Variants in ZBTB46 observed in about 807,000 individuals in gnomAD.
The protein encoded by ZBTB46 is zinc finger and BTB domain-containing protein 46.
In ZBTB46, 8 loss-of-function variants were observed where a neutral mutation model predicts 44.1. That is an observed-to-expected ratio of 0.18 (90% CI 0.11 to 0.33). The LOEUF (loss-of-function observed/expected upper bound fraction) is 0.33. Among genes scored for constraint, ZBTB46 ranks in the 10% least tolerant of loss-of-function variants. The pLI, the probability that ZBTB46 is intolerant of heterozygous loss-of-function variation, is 1.00. For missense variants in ZBTB46, 651 were observed against 847.7 expected (o/e 0.77, Z 2.88); for synonymous variants, 409 against 382.3 (o/e 1.07, Z -0.81).
At chr20:63,749,880 G>A (rs1016153614) in intron 4 of ZBTB46, among the ~76,000 whole-genome samples, 3 of 152,242 alleles carry the variant, frequency 2.0e-5, no homozygotes, top group African/African-American at 2.4e-5. Flanking sequence ...GGATGGCTGG[G>A]AACTCATGCA....
chr20:63,810,177 GGTTCCAAGAT>G (rs1426488194), intron 1 of ZBTB46, among the ~76,000 whole-genome samples: 1 of 152,036 alleles, frequency 6.6e-6, no homozygotes, highest in Non-Finnish European at 1.5e-5. Flanking sequence ...AAAGCTAATT[GGTTCCAAGAT>G]GTTCCAAGCA....
intron 1 of ZBTB46, among the ~76,000 whole-genome samples, chr20:63,817,349 G>A (rs1290576472): frequency 6.6e-6 from 1 of 151,994 alleles, no homozygotes; most frequent in Non-Finnish European, 1.5e-5. Flanking sequence ...AGGCTACAGT[G>A]AGCTGTGCTT....
rs117908255 is a variant in ZBTB46, at chr20:63,785,854, A to G, written c.937+3967T>C. Among the ~76,000 whole-genome samples, 467 of 152,354 alleles carry G rather than the reference A, an allele frequency of 3.1e-3. 5 individuals carry two copies. Among genetic ancestry groups the G allele is most frequent in the Non-Finnish European group, 4.4e-3 (297 of 68,028 alleles). On this transcript the variant is annotated intron_variant, in intron 2 of 4. Transcript: ENST00000245663. ...GAATAATCTAATGGAAGAGTTTCAC[A>G]GTTGCCTTGGAAACCCAAGGGATTT... is the stretch of plus-strand genomic sequence containing the variant.
chr20:63,755,214 C>T (rs2092208939), intron 3 of ZBTB46, among the ~76,000 whole-genome samples: 1 of 152,242 alleles, frequency 6.6e-6, no homozygotes. Flanking sequence ...CTTCTTAATG[C>T]TCTGTTTTCC....
chr20:63,766,788 G>C (rs987870617), intron 3 of ZBTB46, among the ~76,000 whole-genome samples: 1 of 152,222 alleles, frequency 6.6e-6, no homozygotes, highest in Non-Finnish European at 1.5e-5. Flanking sequence ...ACCAGGGGAG[G>C]CTCCAGCAGA....
At chr20:63,817,714 T>C (rs1293541843) in intron 1 of ZBTB46, among the ~76,000 whole-genome samples, 1 of 106,388 alleles carries the variant, frequency 9.4e-6, no homozygotes. Flanking sequence ...AGACTCTGTC[T>C]CAAAAAAAAA....
chr20:63,794,951 C>T (rs551301500), intron 1 of ZBTB46, among the ~76,000 whole-genome samples: 2 of 152,276 alleles, frequency 1.3e-5, no homozygotes, highest in Admixed American at 6.5e-5. Context: ...CCCCCGTGCG[C>T]GAGGTGCCCC....
intron 2 of ZBTB46, among the ~76,000 whole-genome samples, chr20:63,789,077 A>G (rs1312898787): frequency 6.6e-6 from 1 of 151,366 alleles, no homozygotes; most frequent in Admixed American, 6.6e-5. Flanking sequence ...TCAGCCTCTC[A>G]AAGTGCTGGG....
chr20:63,766,534 CAAA>C (rs11434220), intron 3 of ZBTB46, among the ~76,000 whole-genome samples: 1 of 130,572 alleles, frequency 7.7e-6, no homozygotes, highest in Non-Finnish European at 1.6e-5. Flanking sequence ...CCATTTTGAC[CAAA>C]AAAAAAAAAA....
chr20:63,760,319 T>G (rs2092261937), intron 3 of ZBTB46, among the ~76,000 whole-genome samples: 1 of 152,244 alleles, frequency 6.6e-6, no homozygotes, highest in African/African-American at 2.4e-5. Context: ...ATTGAGCTCT[T>G]CCTGTTTGCT....
intron 3 of ZBTB46, among the ~76,000 whole-genome samples, chr20:63,768,526 G>A (rs2092339460): frequency 6.6e-6 from 1 of 151,974 alleles, no homozygotes; most frequent in African/African-American, 2.4e-5. Flanking sequence ...AGAATCTCTT[G>A]AACCCCGAAG....
chr20:63,779,012 C>T (rs1326091979), intron 2 of ZBTB46, among the ~76,000 whole-genome samples: 1 of 152,138 alleles, frequency 6.6e-6, no homozygotes, highest in Non-Finnish European at 1.5e-5. Flanking sequence ...CTGGGGGCCC[C>T]TCCTCAGAGT....
intron 1 of ZBTB46, among the ~76,000 whole-genome samples, chr20:63,815,742 T>G (rs1285097194): frequency 3.5e-5 from 5 of 144,906 alleles, no homozygotes; most frequent in Non-Finnish European, 6.0e-5. Flanking sequence ...TAGGTGCAGG[T>G]GAGCACAGGT....
intron 4 of ZBTB46, among the ~76,000 whole-genome samples, chr20:63,747,533 G>GGA (rs1260949200): frequency 1.2e-4 from 12 of 102,718 alleles, no homozygotes; most frequent in East Asian, 3.7e-4. Flanking sequence ...AGGGCCTGGT[G>GGA]GGTGGGGGGG....
chr20:63,800,552 G>A (rs1480663040), intron 1 of ZBTB46, among the ~76,000 whole-genome samples: 4 of 152,254 alleles, frequency 2.6e-5, no homozygotes, highest in Admixed American at 2.0e-4. Context: ...AGCTTGCGGG[G>A]AGGTGTGGAG....
chr20:63,759,595 G>A (rs2092255940), intron 3 of ZBTB46, among the ~76,000 whole-genome samples: 1 of 152,064 alleles, frequency 6.6e-6, no homozygotes, highest in Admixed American at 6.6e-5. Flanking sequence ...GGGCAAGGGA[G>A]GTTCCTGACA....
At chr20:63,806,093 A>G (rs2092679629) in intron 1 of ZBTB46, among the ~76,000 whole-genome samples, 1 of 151,304 alleles carries the variant, frequency 6.6e-6, no homozygotes, top group South Asian at 2.1e-4. Context: ...TAAAAATATT[A>G]TAATTTTCTC....
chr20:63,770,213 G>C (rs1568847308), intron 3 of ZBTB46, among the ~76,000 whole-genome samples: 1 of 152,340 alleles, frequency 6.6e-6, no homozygotes, highest in East Asian at 1.9e-4. Flanking sequence ...GCTTCCTCGT[G>C]CTGTTTGGAG....
intron 1 of ZBTB46, among the ~76,000 whole-genome samples, chr20:63,801,882 A>C (rs1051929268): frequency 4.6e-5 from 7 of 152,218 alleles, no homozygotes; most frequent in African/African-American, 7.2e-5. Flanking sequence ...GTTCGAGCTC[A>C]TCAGATTATG....
Sources: allele counts gnomAD v4.1 joint callset (sites outside exome capture counted in the v4.1 genomes callset), GRCh38; gene constraint gnomAD v4.1.1; transcripts MANE v1.5; gene names NCBI Gene and HGNC (gene_info 2026-07-23, HGNC 2026-07-21).